Variants in GOLGA8Q observed in about 807,000 individuals in gnomAD.
GOLGA8Q encodes golgin A8 family member Q, also known as golgin subfamily A member 8Q.
In GOLGA8Q, 3 loss-of-function variants were observed where a neutral mutation model predicts 48.7. The observed-to-expected ratio is 0.06, with a 90% CI of 0.03 to 0.16. The LOEUF is 0.16. Ranked by LOEUF, GOLGA8Q falls within the 10% of genes least tolerant of loss-of-function variation. GOLGA8Q has a pLI of 1.00. For synonymous variants in GOLGA8Q, 22 were observed against 138.2 expected (o/e 0.16, Z 5.90); for missense variants, 49 against 364.3 (o/e 0.13, Z 7.05).
Position 30,562,148 on chromosome 15 carries a change from GA to G in GOLGA8Q, c.1635del (p.Lys545AsnfsTer35), listed in dbSNP as rs958686878. The G allele has an allele frequency of 4.1e-6, 4 of 964,670 alleles. 2 individuals are homozygous for G. The Admixed American group carries it at 1.1e-4, about 27-fold the overall frequency. 59.8% of individuals were successfully genotyped at this position (964,670 alleles called of 1,614,324 possible). Reference sequence around the variant, plus strand: ...TACAGCAACTACAACAATGGGCACAGAAAATTCCTGGCCGCTGCCCACAACT... The same window carrying G: ...TACAGCAACTACAACAATGGGCACAGAAATTCCTGGCCGCTGCCCACAACT... ...AAYSNYNNGH[R>X]KFLAAAHNSA... On this transcript the variant is annotated frameshift_variant, in exon 18 of 19. Transcript: ENST00000562783. LOFTEE classifies it high-confidence loss of function.
chr15:30,555,635 A>G (rs2059637057), intron 4 of GOLGA8Q, among the ~76,000 whole-genome samples: 2 of 106,872 alleles, frequency 1.9e-5, no homozygotes, highest in Admixed American at 1.7e-4. Flanking sequence ...TACCTGGCCC[A>G]TACGTGCTCA....
chr15:30,557,596 A>AAAAGCC (rs1217868535), intron 8 of GOLGA8Q, among the ~76,000 whole-genome samples, 155 bp from the exon 9 acceptor site: 155 of 139,280 alleles, frequency 1.1e-3, no homozygotes, highest in Non-Finnish European at 1.9e-3. Context: ...TTCCAACTTT[A>AAAAGCC]CTGTGTTCTT....
chr15:30,555,511 C>T (rs1449641267), intron 4 of GOLGA8Q, among the ~76,000 whole-genome samples: 8 of 107,892 alleles, frequency 7.4e-5, no homozygotes, highest in African/African-American at 3.0e-4. Context: ...TAGTGAGTAT[C>T]AAAGGTCTCT....
At chr15:30,560,435 A>C in intron 13 of GOLGA8Q, 101 bp from the exon 14 acceptor site, 1 of 1,024,412 alleles carries the variant, frequency 9.8e-7, no homozygotes, top group South Asian at 1.6e-5. Context: ...TGGCCTGCCA[A>C]AAGTTGCAGG....
rs1269163412 is a variant in GOLGA8Q, at chr15:30,558,122, G to A, written c.786+71G>A. 3.0e-5 allele frequency: 25 copies of A among 820,912 alleles called. 1 individual carries two copies. The East Asian group carries it at 4.8e-4, about 16-fold the overall frequency. 50.9% of individuals were successfully genotyped at this position (820,912 alleles called of 1,614,324 possible). A position where few individuals can be genotyped will look rare whatever the true frequency, so the allele number is the denominator to read the frequency against. ...ATCTTTCTGGGCATCTGTAAAATGG[G>A]AATAGTAGAGCCAGAGGTGGTCATG... On this transcript the variant is annotated intron_variant, in intron 10 of 18. Coordinates refer to ENST00000562783, the MANE Select transcript of GOLGA8Q (RefSeq NM_001355476.2).
At chr15:30,558,111 C>A in intron 10 of GOLGA8Q, 60 bp downstream of exon 10, 2 of 920,298 alleles carry the variant, frequency 2.2e-6, no homozygotes, top group East Asian at 2.4e-5. Flanking sequence ...TTCTGGGCAT[C>A]TGTAAAATGG....
rs539527244 is a variant in GOLGA8Q, at chr15:30,558,035, G to T, written c.770G>T (p.Ser257Ile). 3 of 1,091,326 alleles carry T rather than the reference G, an allele frequency of 2.7e-6. No homozygotes were observed. In the East Asian group the frequency reaches 7.0e-5, roughly 26 times the overall value. 67.6% of individuals were successfully genotyped at this position (1,091,326 alleles called of 1,614,324 possible). A position where few individuals can be genotyped will look rare whatever the true frequency, so the allele number is the denominator to read the frequency against. Residue 257 changes from serine (S) to isoleucine (I), a missense_variant, in exon 10 of 19, where the codon AGT becomes ATT. Ser to Ile is a moderately radical substitution (Grantham distance 142, BLOSUM62 -2). Coordinates refer to ENST00000562783, the MANE Select transcript of GOLGA8Q (RefSeq NM_001355476.2). ...GERARWHQRM[S>I]KMLQEICTLK... is the part of the protein sequence containing the mutation. Reference sequence around the variant, plus strand: ...AGGGCCCGGTGGCATCAGAGGATGAGTAAAATGTTGCAGGAGGTGAGATCT... The same window carrying T: ...AGGGCCCGGTGGCATCAGAGGATGATTAAAATGTTGCAGGAGGTGAGATCT...
chr15:30,556,079 C>A (rs1251017244), intron 5 of GOLGA8Q, 67 bp downstream of exon 5: 1 of 1,253,380 alleles, frequency 8.0e-7, no homozygotes, highest in Admixed American at 2.0e-5. Context: ...ATACAGGCCC[C>A]AGTCTCGTCT....
At chr15:30,554,245 A>C (rs1245858489) in intron 2 of GOLGA8Q, among the ~76,000 whole-genome samples, 1 of 118,932 alleles carries the variant, frequency 8.4e-6, no homozygotes, top group Non-Finnish European at 1.7e-5. Flanking sequence ...TGGAGCTTGC[A>C]GTGGCCAAGA....
At chr15:30,555,701 G>T (rs2059637413) in intron 4 of GOLGA8Q, among the ~76,000 whole-genome samples, 1 of 86,062 alleles carries the variant, frequency 1.2e-5, no homozygotes, top group Non-Finnish European at 2.4e-5. Context: ...CAGAAGGAGG[G>T]GCCTTTCTGA....
In GOLGA8Q at chr15:30,562,314, C is replaced by G; in HGVS notation, c.1724-12C>G. 1 of 668,054 alleles carries G rather than the reference C, an allele frequency of 1.5e-6. No homozygotes were observed. Among genetic ancestry groups the G allele is most frequent in the East Asian group, 2.7e-5 (1 of 36,826 alleles). 41.4% of individuals were successfully genotyped at this position (668,054 alleles called of 1,614,324 possible). On this transcript the variant is annotated splice_polypyrimidine_tract_variant and intron_variant, in intron 18 of 18. Transcript: ENST00000562783. The stretch of plus-strand genomic sequence containing the variant: ...CCACTGTGCTCAGATCCCCGCCTCC[C>G]TCTCTCCAAAGATCTTCGTGAGGTG...
chr15:30,556,059 G>C, intron 5 of GOLGA8Q, 47 bp downstream of exon 5: 1 of 1,197,470 alleles, frequency 8.4e-7, no homozygotes, highest in South Asian at 1.3e-5. Flanking sequence ...GGTTTGGGGG[G>C]CACTCAGACA....
intron 13 of GOLGA8Q, among the ~76,000 whole-genome samples, 161 bp from the exon 14 acceptor site, chr15:30,560,375 A>G (rs1431693033): frequency 1.1e-5 from 1 of 93,220 alleles, no homozygotes; most frequent in Non-Finnish European, 2.2e-5. Flanking sequence ...AGACCCAGCT[A>G]ATGAACCAGC....
At position 30,560,579 on chromosome 15, in the gene GOLGA8Q, C is replaced by G. The variant is rs781357245; in HGVS notation, c.1244C>G (p.Ala415Gly). The change falls in exon 14 of 19, where the codon GCC (alanine) becomes GGC (glycine). Residue 415 changes from alanine to glycine, a missense_variant. Physicochemically the swap from Ala to Gly is moderately conservative, Grantham distance 60. Coordinates refer to ENST00000562783, the MANE Select transcript of GOLGA8Q (RefSeq NM_001355476.2). ...AGCCAGCAGAACCAGCAGCTAACGG[C>G]CCAGCTGAACCTCATGGCTCTCCCT... ...AASQQNQQLT[A>G]QLNLMALPGE... 1,411 of 1,131,924 alleles carry G rather than the reference C, an allele frequency of 1.2e-3. 474 individuals are homozygous for G. The highest frequency in any genetic ancestry group is 1.6e-3 in the Non-Finnish European group (1,312 of 835,496). 70.1% of individuals were successfully genotyped at this position (1,131,924 alleles called of 1,614,324 possible).
rs1430026117 is a variant in GOLGA8Q at position 30,554,265 on chromosome 15, C to T, written c.168+354C>T. Among the ~76,000 whole-genome samples the T allele has an allele frequency of 3.4e-3, 399 of 117,796 alleles. 2 individuals carry two copies. The highest frequency in any genetic ancestry group is 0.022 in the Middle Eastern group (5 of 228). The allele number at this position is 117,796 out of a possible 152,430, so 77.3% of individuals were successfully genotyped here. Reference sequence around the variant, plus strand: ...CTTGCAGTGGCCAAGATTATGCCACCGCACTCCAGCCTGGTGAAAGAGCAA... The same window carrying T: ...CTTGCAGTGGCCAAGATTATGCCACTGCACTCCAGCCTGGTGAAAGAGCAA... On this transcript the variant is annotated intron_variant, in intron 2 of 18. Coordinates refer to ENST00000562783, the MANE Select transcript of GOLGA8Q (RefSeq NM_001355476.2).
In GOLGA8Q at chr15:30,556,048, G is replaced by T. The variant is rs1378771641; in HGVS notation, c.348+36G>T. 71 of 1,139,400 alleles carry T rather than the reference G, an allele frequency of 6.2e-5. 15 individuals carry two copies. The South Asian group carries it at 6.3e-4, about 10-fold the overall frequency. The allele number at this position is 1,139,400 out of a possible 1,614,324, so 70.6% of individuals were successfully genotyped here. ...TTCGTTTCCTCGCAACATGACTGCT[G>T]GGTTTGGGGGGCACTCAGACATACA... On this transcript the variant is annotated intron_variant, in intron 5 of 18. Transcript: ENST00000562783.
intron 2 of GOLGA8Q, among the ~76,000 whole-genome samples, chr15:30,554,260 G>A (rs1284685695): frequency 8.2e-6 from 1 of 121,830 alleles, no homozygotes; most frequent in Non-Finnish European, 1.7e-5. Context: ...CCAAGATTAT[G>A]CCACCGCACT....
intron 13 of GOLGA8Q, 31 bp from the exon 14 acceptor site, chr15:30,560,505 C>T: frequency 1.9e-6 from 2 of 1,076,784 alleles, no homozygotes; most frequent in Non-Finnish European, 2.5e-6. Flanking sequence ...TGGCAAACTC[C>T]ATCCCTTCTC....
intron 1 of GOLGA8Q, among the ~76,000 whole-genome samples, chr15:30,552,987 CAG>C (rs2059623766): frequency 1.2e-5 from 1 of 81,650 alleles, no homozygotes; most frequent in African/African-American, 5.0e-5. Context: ...TTCTACTTTC[CAG>C]AGAGATTTTA....
Sources: allele counts gnomAD v4.1 joint callset (sites outside exome capture counted in the v4.1 genomes callset), GRCh38; gene constraint gnomAD v4.1.1; transcripts MANE v1.5; gene names NCBI Gene and HGNC (gene_info 2026-07-23, HGNC 2026-07-21).